The following ANKRD62 variants were observed in gnomAD, a reference collection of about 807,000 sequenced individuals.
The protein encoded by ANKRD62 is ankyrin repeat domain-containing protein 62.
Under a neutral mutation model 98.8 loss-of-function variants are expected in ANKRD62, and 61 were observed. The observed-to-expected ratio is 0.62, with a 90% CI of 0.50 to 0.76. The LOEUF is 0.76. Among genes scored for constraint, ANKRD62 ranks in the 30% least tolerant of loss-of-function variants. The probability of loss-of-function intolerance (pLI) is 0.00; values close to 1 mark genes in which losing one functional copy is unlikely to be tolerated. For missense variants in ANKRD62, 933 were observed against 1,082.9 expected (o/e 0.86, Z 1.94); for synonymous variants, 341 against 367.9 (o/e 0.93, Z 0.84).
At chr18:12,167,311 G>A in the ANKRD62 span, among the ~76,000 whole-genome samples, 1 of 151,270 alleles carries the variant, frequency 6.6e-6, no homozygotes, top group African/African-American at 2.4e-5. Context: ...ACAAGCCCTG[G>A]TGTGTGATGT....
rs928221880 is a variant in ANKRD62 at position 12,107,435 on chromosome 18, A to G, written c.1032A>G (p.Gln344=). The G allele has an allele frequency of 7.3e-6, 11 of 1,510,406 alleles. 1 individual carries two copies. Among genetic ancestry groups the G allele is most frequent in the Admixed American group, 6.3e-5 (3 of 47,330 alleles). 93.6% of individuals were successfully genotyped at this position (1,510,406 alleles called of 1,614,324 possible). A position where few individuals can be genotyped will look rare whatever the true frequency, so the allele number is the denominator to read the frequency against. ...AGAACAGAAAACCTGATAATCATCA[A>G]TCTCCTGGGAAGGAGAATGGCGAGT... is the stretch of plus-strand genomic sequence containing the variant. ...KIKNRKPDNH[Q]SPGKENGEFD... Residue 344 remains glutamine (Q), a synonymous_variant, in exon 8 of 14, where the codon CAA becomes CAG. Transcript: ENST00000587848.
the ANKRD62 span, among the ~76,000 whole-genome samples, chr18:12,149,980 A>G: frequency 3.3e-5 from 5 of 152,220 alleles, no homozygotes; most frequent in African/African-American, 4.8e-5. Flanking sequence ...GACTATGGGC[A>G]GGAATGAGGA....
At chr18:12,160,223 A>G in the ANKRD62 span, among the ~76,000 whole-genome samples, 1 of 152,160 alleles carries the variant, frequency 6.6e-6, no homozygotes, top group African/African-American at 2.4e-5. Context: ...CCCTTGATCA[A>G]TGTCATCAAC....
chr18:12,133,480 T>G (rs1910036467), downstream of ANKRD62, among the ~76,000 whole-genome samples: 1 of 152,242 alleles, frequency 6.6e-6, no homozygotes, highest in Non-Finnish European at 1.5e-5. Flanking sequence ...TCAACACAGC[T>G]GTACAATTTT....
At position 12,125,750 on chromosome 18, in the gene ANKRD62, A is replaced by G; in HGVS notation, c.1929A>G (p.Lys643=). ...TCAATTCTGAGCTACAGAAGGAAAA[A>G]CAAAGCATGTCAAGACTGGAAACAG... ...TMLNSELQKE[K]QSMSRLETEM... is the part of the protein sequence containing the mutation. The change falls in exon 13 of 14, where the codon AAA becomes AAG. Residue 643 remains lysine (K), a synonymous_variant. Transcript: ENST00000587848. 6.5e-7 allele frequency: 1 copy of G among 1,546,396 alleles called. No homozygotes were observed. The highest frequency in any genetic ancestry group is 2.4e-5 in the East Asian group (1 of 40,922).
At chr18:12,138,484 A>G in the ANKRD62 span, among the ~76,000 whole-genome samples, 1 of 152,072 alleles carries the variant, frequency 6.6e-6, no homozygotes, top group African/African-American at 2.4e-5. Context: ...TCAATTTTGG[A>G]ATAGGTGTGG....
the ANKRD62 span, among the ~76,000 whole-genome samples, chr18:12,178,643 G>A: frequency 2.5e-5 from 3 of 121,266 alleles, no homozygotes; most frequent in South Asian, 8.9e-4. Flanking sequence ...GATGAGTGAT[G>A]GACTGGATGT....
At chr18:12,134,385 A>G (rs1372413536), downstream of ANKRD62, among the ~76,000 whole-genome samples, 1 of 150,952 alleles carries the variant, frequency 6.6e-6, no homozygotes, top group Non-Finnish European at 1.5e-5. Flanking sequence ...CTTTTTTTTT[A>G]TTATTATACT....
At chr18:12,163,174 TC>T in the ANKRD62 span, among the ~76,000 whole-genome samples, 1 of 151,980 alleles carries the variant, frequency 6.6e-6, no homozygotes, top group Non-Finnish European at 1.5e-5. Context: ...ATTTTTTGTG[TC>T]CTCTTATTAT....
At chr18:12,151,273 C>G in the ANKRD62 span, among the ~76,000 whole-genome samples, 1 of 152,148 alleles carries the variant, frequency 6.6e-6, no homozygotes, top group Non-Finnish European at 1.5e-5. Context: ...CACATGAGCA[C>G]CTAGGTTCAT....
chr18:12,151,245 G>A, the ANKRD62 span, among the ~76,000 whole-genome samples: 1 of 152,150 alleles, frequency 6.6e-6, no homozygotes, highest in Non-Finnish European at 1.5e-5. Context: ...TAACTATTCT[G>A]AATATGTATG....
At chr18:12,095,124 T>C (rs745367750) in intron 1 of ANKRD62, 47 bp from the exon 2 acceptor site, 207 of 1,321,680 alleles carry the variant, frequency 1.6e-4, no homozygotes, top group Non-Finnish European at 2.1e-4. Flanking sequence ...TTGTATGTTT[T>C]GGGACTGTGC....
At chr18:12,115,650 A>G in intron 10 of ANKRD62, 116 bp downstream of exon 10, 1 of 916,432 alleles carries the variant, frequency 1.1e-6, no homozygotes, top group Non-Finnish European at 1.5e-6. Flanking sequence ...CATCTCGGAA[A>G]TATCCTTCTT....
At chr18:12,158,563 T>A in the ANKRD62 span, among the ~76,000 whole-genome samples, 24 of 152,256 alleles carry the variant, frequency 1.6e-4, no homozygotes, top group East Asian at 4.2e-3. Context: ...TCTCGCTGTG[T>A]CGCCCTGGCT....
chr18:12,096,420 A>C (rs1301819081), intron 4 of ANKRD62, 118 bp downstream of exon 4: 2 of 593,028 alleles, frequency 3.4e-6, no homozygotes, highest in Non-Finnish European at 5.6e-6. Context: ...GGATAGAGAG[A>C]AATACCAGCA....
At chr18:12,164,325 T>C in the ANKRD62 span, among the ~76,000 whole-genome samples, 1 of 151,998 alleles carries the variant, frequency 6.6e-6, no homozygotes, top group South Asian at 2.1e-4. Context: ...TTTAAGTTTC[T>C]GTAGTATTAG....
chr18:12,151,733 G>A, the ANKRD62 span, among the ~76,000 whole-genome samples: 1 of 152,064 alleles, frequency 6.6e-6, no homozygotes, highest in Non-Finnish European at 1.5e-5. Context: ...ACTGAAGAAG[G>A]AAATTGAGAC....
the ANKRD62 span, among the ~76,000 whole-genome samples, chr18:12,176,262 T>C: frequency 6.6e-6 from 1 of 151,088 alleles, no homozygotes; most frequent in Admixed American, 6.6e-5. Flanking sequence ...CTCCAGAGCA[T>C]GCACCCAAAT....
chr18:12,139,492 A>T, the ANKRD62 span, among the ~76,000 whole-genome samples: 1 of 152,162 alleles, frequency 6.6e-6, no homozygotes, highest in East Asian at 1.9e-4. Context: ...AAAATACTGA[A>T]AAAATGAGCC....
Sources: gnomAD v4.1 joint callset for allele counts (sites outside exome capture counted in the v4.1 genomes callset) on GRCh38, gnomAD v4.1.1 for gene constraint, MANE v1.5 for transcripts, NCBI Gene and HGNC (gene_info 2026-07-23, HGNC 2026-07-21) for gene names.